TVP23B: variants seen among roughly 807,000 people sequenced by gnomAD.
TVP23B encodes the protein trans-golgi network vesicle protein 23 homolog B.
In TVP23B, 10 loss-of-function variants were observed where a neutral mutation model predicts 30.6. That is an observed-to-expected ratio of 0.33 (90% CI 0.20 to 0.55). TVP23B has a LOEUF of 0.55. Among genes scored for constraint, TVP23B ranks in the 20% least tolerant of loss-of-function variants. The probability of loss-of-function intolerance (pLI) is 0.91; values close to 1 mark genes in which losing one functional copy is unlikely to be tolerated. For missense variants in TVP23B, 153 were observed against 243.2 expected (o/e 0.63, Z 2.47); for synonymous variants, 67 against 83.1 (o/e 0.81, Z 1.06).
At chr17:18,790,463 CAA>C (rs1465361992) in intron 2 of TVP23B, among the ~76,000 whole-genome samples, 2 of 24,584 alleles carry the variant, frequency 8.1e-5, no homozygotes, top group Non-Finnish European at 8.0e-5. Flanking sequence ...GACTCCGTCT[CAA>C]AAAAAAAAAA....
At chr17:18,800,082 G>T (rs1057276458) in intron 5 of TVP23B, among the ~76,000 whole-genome samples, 1 of 151,830 alleles carries the variant, frequency 6.6e-6, no homozygotes, top group African/African-American at 2.4e-5. Context: ...CGCTAATATG[G>T]TTTCTTTAAC....
At chr17:18,801,472 C>G (rs1328816587) in intron 5 of TVP23B, among the ~76,000 whole-genome samples, 1 of 152,182 alleles carries the variant, frequency 6.6e-6, no homozygotes, top group Admixed American at 6.5e-5. Context: ...AGGCACGTGG[C>G]TGCTGCTCTG....
Position 18,781,205 on chromosome 17 carries a change from C to T in TVP23B, c.-89C>T. On this transcript the variant is annotated 5_prime_UTR_variant, in exon 1 of 7. Transcript: ENST00000307767. ...GCTCTTACAGTGGTCCCTGCTGGCCCTTGGTGACGGGTCGCCTCAGTTCCG... is the reference window on the plus strand; with the variant it reads ...GCTCTTACAGTGGTCCCTGCTGGCCTTTGGTGACGGGTCGCCTCAGTTCCG... 3.2e-6 allele frequency: 5 copies of T among 1,540,048 alleles called. No individual in the cohort carries two copies. Among genetic ancestry groups the T allele is most frequent in the South Asian group, 2.4e-5 (2 of 83,306 alleles).
At position 18,798,854 on chromosome 17, in the gene TVP23B, A is replaced by G. The variant is rs1294175643; in HGVS notation, c.373A>G (p.Arg125Gly). Residue 125 changes from arginine to glycine, a missense_variant, in exon 5 of 7, where the codon AGA becomes GGA. Physicochemically the swap from Arg to Gly is moderately radical, Grantham distance 125 (BLOSUM62 -2). Transcript: ENST00000307767. ...ENKTVSEAES[R>G]IFWLGLIACP... ...TAAAACTGTGTCAGAGGCTGAATCA[A>G]GAATCTTTTGGTTGGGACTTATTGC... The G allele has an allele frequency of 1.9e-6, 3 of 1,613,836 alleles. No homozygotes were observed. The South Asian group carries it at 3.3e-5, about 18-fold the overall frequency.
At chr17:18,803,886 A>G (rs67158091) in intron 5 of TVP23B, among the ~76,000 whole-genome samples, 120,468 of 151,606 alleles carry the variant, frequency 0.79, 47,944 homozygotes, top group East Asian at 0.88. Flanking sequence ...AGCTAGCATG[A>G]TGCCTGGCAC....
At chr17:18,804,906 A>G (rs1325020730) in intron 6 of TVP23B, among the ~76,000 whole-genome samples, 6 of 151,794 alleles carry the variant, frequency 4.0e-5, no homozygotes, top group African/African-American at 1.5e-4. Flanking sequence ...GTATGGTTTT[A>G]GGGAGAACAG....
chr17:18,784,533 T>C (rs1265482498), intron 1 of TVP23B, among the ~76,000 whole-genome samples: 1 of 152,164 alleles, frequency 6.6e-6, no homozygotes, highest in Non-Finnish European at 1.5e-5. Context: ...TGGTCTCAGC[T>C]ACTCGGGAGG....
chr17:18,801,352 T>A (rs1314996349), intron 5 of TVP23B, among the ~76,000 whole-genome samples: 2 of 152,070 alleles, frequency 1.3e-5, no homozygotes, highest in Non-Finnish European at 2.9e-5. Context: ...GCACTTCCCT[T>A]TTTCCTTATC....
intron 5 of TVP23B, among the ~76,000 whole-genome samples, chr17:18,802,353 G>T (rs1447620838): frequency 1.3e-5 from 2 of 152,156 alleles, no homozygotes; most frequent in Non-Finnish European, 2.9e-5. Flanking sequence ...CATGATTAAT[G>T]ATCCTTCTGC....
At chr17:18,786,918 T>C (rs566134347) in intron 1 of TVP23B, among the ~76,000 whole-genome samples, 1 of 149,786 alleles carries the variant, frequency 6.7e-6, no homozygotes, top group African/African-American at 2.5e-5. Context: ...AGAAAGCTTC[T>C]CCAGTGCCCT....
intron 5 of TVP23B, 57 bp from the exon 6 acceptor site, chr17:18,804,080 CA>C: frequency 1.9e-6 from 3 of 1,575,968 alleles, no homozygotes; most frequent in Non-Finnish European, 2.6e-6. Flanking sequence ...TCATTTATGG[CA>C]CAGAGAAAGG....
chr17:18,787,901 C>T (rs1215893159), intron 1 of TVP23B, among the ~76,000 whole-genome samples: 2 of 151,908 alleles, frequency 1.3e-5, no homozygotes, highest in Non-Finnish European at 1.5e-5. Flanking sequence ...GGGAGGATTG[C>T]TCTGGGTAAT....
At chr17:18,802,716 T>C (rs188072359) in intron 5 of TVP23B, among the ~76,000 whole-genome samples, 65 of 152,352 alleles carry the variant, frequency 4.3e-4, no homozygotes, top group Non-Finnish European at 2.9e-5. Flanking sequence ...CTGACTTCAC[T>C]GCACCATCTT....
intron 3 of TVP23B, chr17:18,796,040 G>T (rs534761363): frequency 2.0e-5 from 3 of 149,686 alleles, no homozygotes; most frequent in Non-Finnish European, 4.4e-5. Flanking sequence ...TTAATGGTAA[G>T]ATCTAGTGGC....
chr17:18,802,415 A>G (rs1476939202), intron 5 of TVP23B, among the ~76,000 whole-genome samples: 1 of 151,972 alleles, frequency 6.6e-6, no homozygotes, highest in Non-Finnish European at 1.5e-5. Flanking sequence ...GGCCAGCTGC[A>G]GGGATTTTCC....
Position 18,802,018 on chromosome 17 carries a change from C to T in TVP23B, c.463-2120C>T, listed in dbSNP as rs9891002. Among the ~76,000 whole-genome samples, 86 of 151,780 alleles carry T rather than the reference C, an allele frequency of 5.7e-4. No individual in the cohort carries two copies. In the East Asian group the frequency reaches 6.2e-3, roughly 11 times the overall value. On this transcript the variant is annotated intron_variant, in intron 5 of 6. Transcript: ENST00000307767. ...CGGGCGGATCACGAGGTCAGGAGATCGAGACCATCCTGGCTAACATGGTGA... is the reference window on the plus strand; with the variant it reads ...CGGGCGGATCACGAGGTCAGGAGATTGAGACCATCCTGGCTAACATGGTGA...
intron 3 of TVP23B, chr17:18,796,299 C>T (rs2036075234): frequency 6.6e-6 from 1 of 152,278 alleles, no homozygotes; most frequent in South Asian, 2.1e-4. Context: ...AATCCCAGCA[C>T]TTTGGGAGGC....
chr17:18,802,942 C>T (rs1488962393), intron 5 of TVP23B, among the ~76,000 whole-genome samples: 3 of 152,128 alleles, frequency 2.0e-5, no homozygotes, highest in African/African-American at 7.2e-5. Flanking sequence ...CTAGCACCCT[C>T]TTATTACACT....
chr17:18,794,613 A>C (rs1180600383), intron 3 of TVP23B, among the ~76,000 whole-genome samples: 1 of 152,194 alleles, frequency 6.6e-6, no homozygotes, highest in African/African-American at 2.4e-5. Flanking sequence ...TTTCAAAAAC[A>C]AGCAATAAGC....
Sources: gnomAD v4.1 joint callset for allele counts (sites outside exome capture counted in the v4.1 genomes callset) on GRCh38, gnomAD v4.1.1 for gene constraint, MANE v1.5 for transcripts, NCBI Gene and HGNC (gene_info 2026-07-23, HGNC 2026-07-21) for gene names.